SMG1: variants seen among roughly 807,000 people sequenced by gnomAD.
SMG1 encodes the protein SMG1 nonsense mediated mRNA decay associated PI3K related kinase.
In SMG1, 22 loss-of-function variants were observed where a neutral mutation model predicts 419.9. The ratio of observed to expected loss-of-function variants is 0.05; its 90% CI spans 0.04 to 0.07. SMG1 has a LOEUF of 0.07. SMG1 is among the 10% of genes least tolerant of loss of function. The pLI, the probability that SMG1 is intolerant of heterozygous loss-of-function variation, is 1.00. For synonymous variants in SMG1, 1,538 were observed against 1,553.5 expected, an observed-to-expected ratio of 0.99 and a Z score of 0.23; for missense variants, 3,185 against 4,342.0, an observed-to-expected ratio of 0.73 and a Z score of 7.49.
At chr16:18,810,153 A>G (rs554308233) in intron 62 of SMG1, among the ~76,000 whole-genome samples, 2 of 152,308 alleles carry the variant, frequency 1.3e-5, no homozygotes, top group East Asian at 1.9e-4. Flanking sequence ...CAGGAAAAAA[A>G]TGTACATTTA....
chr16:18,905,533 TTA>T (rs779768125), intron 1 of SMG1, among the ~76,000 whole-genome samples: 16 of 152,298 alleles, frequency 1.1e-4, no homozygotes, highest in East Asian at 5.8e-4. Context: ...ATTCTAAAGT[TTA>T]TGAGTTTTTT....
chr16:18,839,523 G>A lies in SMG1; in HGVS notation c.6945+175C>T, dbSNP rs186814918. Among the ~76,000 whole-genome samples, 12 of 152,032 alleles carry A rather than the reference G, an allele frequency of 7.9e-5. 1 individual carries two copies. Among genetic ancestry groups the A allele is most frequent in the South Asian group, 6.2e-4 (3 of 4,818 alleles). ...ATAACTCTTTCCCCATCCTGCCCTCGGACACAGTCATGTTCATGCCTTTAT... is the reference window on the plus strand; with the variant it reads ...ATAACTCTTTCCCCATCCTGCCCTCAGACACAGTCATGTTCATGCCTTTAT... On this transcript the variant is annotated intron_variant, in intron 42 of 62. Coordinates refer to ENST00000446231, the MANE Select transcript of SMG1 (RefSeq NM_015092.5).
In SMG1 at chr16:18,853,755, G is replaced by T. The variant is rs780864002; in HGVS notation, c.4596C>A (p.Ile1532=). ...AKSILTLAKW[I]QAEWKEISGQ... is the part of the protein sequence containing the mutation. ...CTGAAATCTCTTTCCATTCTGCCTG[G>T]ATCCATTTAGCCAGTGTCAGAATTG... Residue 1532 remains isoleucine, a synonymous_variant, in exon 31 of 63, where the codon ATC becomes ATA. Coordinates refer to ENST00000446231, the MANE Select transcript of SMG1 (RefSeq NM_015092.5). The T allele has an allele frequency of 2.2e-5, 35 of 1,613,730 alleles. No individual in the cohort carries two copies. Among genetic ancestry groups the T allele is most frequent in the South Asian group, 1.6e-4 (15 of 91,060 alleles).
chr16:18,888,913 C>T (rs1421905118), intron 6 of SMG1, among the ~76,000 whole-genome samples: 2 of 148,850 alleles, frequency 1.3e-5, no homozygotes, highest in South Asian at 4.2e-4. Context: ...AGCTCCGCCT[C>T]GCAGGTTCAC....
chr16:18,860,630 T>C (rs2141477300), intron 26 of SMG1, 37 bp downstream of exon 26: 1 of 864,914 alleles, frequency 1.2e-6, no homozygotes, highest in East Asian at 2.6e-5. Context: ...GAGCAACTTG[T>C]CCACTAAAAT....
chr16:18,849,384 G>C lies in SMG1; in HGVS notation c.5462-6C>G, dbSNP rs374829108. On this transcript the variant is annotated splice_polypyrimidine_tract_variant and splice_region_variant and intron_variant, in intron 35 of 62. Coordinates refer to ENST00000446231, the MANE Select transcript of SMG1 (RefSeq NM_015092.5). Reference sequence around the variant, plus strand: ...GAAAAGTTGCGGAATAATTCCTTCAGGACAAGAAGAGAGAAAGACACTTTA... The same window carrying C: ...GAAAAGTTGCGGAATAATTCCTTCACGACAAGAAGAGAGAAAGACACTTTA... 6.2e-7 allele frequency: 1 copy of C among 1,606,126 alleles called. No individual in the cohort carries two copies. The highest frequency in any genetic ancestry group is 2.2e-5 in the East Asian group (1 of 44,748).
intron 59 of SMG1, 65 bp from the exon 60 acceptor site, chr16:18,815,346 GAACAA>G: frequency 6.5e-7 from 1 of 1,543,022 alleles, no homozygotes; most frequent in East Asian, 2.3e-5. Context: ...ATAAAAATAT[GAACAA>G]AACTGAAAAA....
chr16:18,896,133 T>C lies in SMG1; in HGVS notation c.331A>G (p.Asn111Asp), dbSNP rs1025032412. Residue 111 changes from asparagine (N) to aspartate (D), a missense_variant, in exon 3 of 63, where the codon AAC becomes GAC. Transcript: ENST00000446231. ...GTGAACTCAGGGCTGGTCACATTGTTAACCCTCAGCTCTTGCCCCAACGAC... is the reference window on the plus strand; with the variant it reads ...GTGAACTCAGGGCTGGTCACATTGTCAACCCTCAGCTCTTGCCCCAACGAC... ...RKSLGQELRV[N>D]NVTSPEFTSV... 6 of 1,587,040 alleles carry C rather than the reference T, an allele frequency of 3.8e-6. No homozygotes were observed. The highest frequency in any genetic ancestry group is 1.3e-5 in the African/African-American group (1 of 74,396).
At chr16:18,817,007 A>G (rs1054592486) in intron 57 of SMG1, among the ~76,000 whole-genome samples, 7 of 151,400 alleles carry the variant, frequency 4.6e-5, no homozygotes, top group African/African-American at 1.7e-4. Context: ...CATTTGCTAC[A>G]TATCGTCTTT....
intron 55 of SMG1, among the ~76,000 whole-genome samples, chr16:18,820,508 T>G (rs1199868091): frequency 6.6e-6 from 1 of 152,194 alleles, no homozygotes; most frequent in African/African-American, 2.4e-5. Context: ...CTGGCCAAGT[T>G]TATGAACAAT....
Position 18,836,513 on chromosome 16 carries a change from G to T in SMG1, c.7624C>A (p.Leu2542Ile), listed in dbSNP as rs781090827. Residue 2542 changes from leucine (L) to isoleucine (I), a missense_variant, in exon 47 of 63, where the codon CTA becomes ATA. Physicochemically the swap from Leu to Ile is conservative, Grantham distance 5 (BLOSUM62 2). Around this residue, in one of 27 missense-constraint regions of SMG1, gnomAD observed 412 missense variants for 546.6 expected, o/e 0.75. Transcript: ENST00000446231. ...TGAACAGCTCTTTGCTGAGTCTGTA[G>T]TTGGGTGTGCTCAGAATACCTAATC... ...LQHRYSEHTQLQTQQRAVQEA... is the reference protein window; with the variant it reads ...LQHRYSEHTQIQTQQRAVQEA... The T allele has an allele frequency of 1.2e-6, 2 of 1,613,794 alleles. No homozygotes were observed. Among genetic ancestry groups the T allele is most frequent in the African/African-American group, 1.3e-5 (1 of 74,910 alleles).
rs374447959 is a variant in SMG1 at position 18,892,283 on chromosome 16, T to G, written c.484A>C (p.Arg162=). The G allele has an allele frequency of 1.4e-3, 2,199 of 1,551,886 alleles. 3 individuals are homozygous for G. Among genetic ancestry groups the G allele is most frequent in the Non-Finnish European group, 1.7e-3 (1,981 of 1,147,294 alleles). The change falls in exon 4 of 63, where the codon AGA becomes CGA. Residue 162 remains arginine (R), a synonymous_variant. Transcript: ENST00000446231. The part of the protein sequence containing the change: ...LLRRITREDD[R]DRRLATVKQL... ...TTTACAGTAGCCAATCTTCGGTCTC[T>G]GTCGTCTTCCCGGGTGATCCTCCGA...
At chr16:18,922,328 C>G (rs896975890) in intron 1 of SMG1, among the ~76,000 whole-genome samples, 4 of 152,130 alleles carry the variant, frequency 2.6e-5, no homozygotes, top group Non-Finnish European at 5.9e-5. Context: ...TCAGATATCC[C>G]TTTGTTCTAA....
In SMG1 at chr16:18,835,178, G is replaced by T. The variant is rs1346746741; in HGVS notation, c.8058-14C>A. 1 of 1,596,446 alleles carries T rather than the reference G, an allele frequency of 6.3e-7. No homozygotes were observed. Among genetic ancestry groups the T allele is most frequent in the East Asian group, 2.3e-5 (1 of 44,426 alleles). On this transcript the variant is annotated splice_polypyrimidine_tract_variant and intron_variant, in intron 48 of 62. Coordinates refer to ENST00000446231, the MANE Select transcript of SMG1 (RefSeq NM_015092.5). The stretch of plus-strand genomic sequence containing the variant: ...TGCATTTCATATCTATAAAAATAAG[G>T]AAGAGGTGCTTGTTTATAACACAAC...
intron 3 of SMG1, among the ~76,000 whole-genome samples, chr16:18,895,005 G>A (rs1006813968): frequency 6.6e-6 from 1 of 151,942 alleles, no homozygotes; most frequent in Non-Finnish European, 1.5e-5. Flanking sequence ...TTTCAGTAGA[G>A]ACAGGGTTTC....
chr16:18,830,194 T>C, intron 52 of SMG1, 25 bp downstream of exon 52: 3 of 1,612,474 alleles, frequency 1.9e-6, no homozygotes, highest in African/African-American at 1.3e-5. Flanking sequence ...ACTTGCATTA[T>C]TTTTAAATCC....
chr16:18,899,895 AAAAG>A (rs2037279479), intron 1 of SMG1: 1 of 710,752 alleles, frequency 1.4e-6, no homozygotes, highest in Non-Finnish European at 2.5e-6. Flanking sequence ...GAGAGAAAAA[AAAAG>A]AAATGCATAA....
In SMG1 at chr16:18,815,229, T is replaced by C; in HGVS notation, c.10567A>G (p.Asn3523Asp). The C allele has an allele frequency of 6.3e-7, 1 of 1,596,402 alleles. No homozygotes were observed. Among genetic ancestry groups the C allele is most frequent in the Non-Finnish European group, 8.5e-7 (1 of 1,170,892 alleles). ...GATGACGTTGGACTCGAACATTCAT[T>C]TGTTGCATCGGTGACTAAGGGTGAT... ...FASPLVTDATNECSSPTSSAT... is the reference protein window; with the variant it reads ...FASPLVTDATDECSSPTSSAT... The change falls in exon 60 of 63, where the codon AAT (asparagine) becomes GAT (aspartate). Residue 3523 changes from asparagine to aspartate, a missense_variant. By Grantham distance (23) the Asn-to-Asp change is conservative. Coordinates refer to ENST00000446231, the MANE Select transcript of SMG1 (RefSeq NM_015092.5).
intron 36 of SMG1, among the ~76,000 whole-genome samples, chr16:18,848,355 T>C (rs2034388695): frequency 6.6e-6 from 1 of 151,648 alleles, no homozygotes; most frequent in African/African-American, 2.4e-5. Flanking sequence ...TCTAGCTCTG[T>C]TGCCCAGGTT....
Sources: gnomAD v4.1 joint callset for allele counts (sites outside exome capture counted in the v4.1 genomes callset) on GRCh38, gnomAD v4.1.1 for gene constraint, gnomAD v4.1.1 regional missense constraint, MANE v1.5 for transcripts, NCBI Gene and HGNC (gene_info 2026-07-23, HGNC 2026-07-21) for gene names.